Variants in RPF2 observed in about 807,000 individuals in gnomAD.
RPF2 encodes the protein brix domain containing 1.
In RPF2, 21 loss-of-function variants were observed where a neutral mutation model predicts 38.9. The ratio of observed to expected loss-of-function variants is 0.54; its 90% CI spans 0.38 to 0.78. The LOEUF is 0.78. Among genes scored for constraint, RPF2 ranks in the 30% least tolerant of loss-of-function variants. The probability of loss-of-function intolerance (pLI) is 0.00; values close to 1 mark genes in which losing one functional copy is unlikely to be tolerated. For synonymous variants in RPF2, 121 were observed against 126.2 expected (o/e 0.96, Z 0.28); for missense variants, 314 against 358.1 (o/e 0.88, Z 0.99).
At chr6:111,019,686 G>A (rs1562376452) in intron 8 of RPF2, among the ~76,000 whole-genome samples, 2 of 151,968 alleles carry the variant, frequency 1.3e-5, no homozygotes, top group Admixed American at 6.6e-5. Context: ...GCAGTGAGCC[G>A]AGCACTCCAG....
chr6:111,002,581 C>A (rs921230333), intron 6 of RPF2, among the ~76,000 whole-genome samples: 1 of 152,108 alleles, frequency 6.6e-6, no homozygotes, highest in Non-Finnish European at 1.5e-5. Flanking sequence ...GATCCTCCCG[C>A]CTTGGCCTCC....
intron 6 of RPF2, among the ~76,000 whole-genome samples, chr6:111,005,100 C>T (rs971968996): frequency 3.9e-5 from 6 of 152,076 alleles, no homozygotes; most frequent in African/African-American, 9.7e-5. Flanking sequence ...AGATCTGGAA[C>T]GTCCTTTCAG....
At chr6:110,991,416 A>AG (rs1167072256) in intron 3 of RPF2, among the ~76,000 whole-genome samples, 3 of 147,010 alleles carry the variant, frequency 2.0e-5, no homozygotes, top group African/African-American at 5.0e-5. Flanking sequence ...TTTTTTTTTA[A>AG]CACACTTTCT....
chr6:111,000,039 G>A (rs1416659015), intron 6 of RPF2, among the ~76,000 whole-genome samples: 2 of 140,056 alleles, frequency 1.4e-5, no homozygotes, highest in Non-Finnish European at 3.0e-5. Flanking sequence ...TTCTTGTCTA[G>A]GCCATAGTTT....
intron 4 of RPF2, among the ~76,000 whole-genome samples, chr6:110,993,915 A>G (rs2114303433): frequency 6.6e-6 from 1 of 152,306 alleles, no homozygotes. Context: ...TGGCAAAAAT[A>G]TACTGCTTGC....
intron 3 of RPF2, 137 bp downstream of exon 3, chr6:110,989,202 C>CT (rs3841734): frequency 0.19 from 170,629 of 913,822 alleles, 21,584 homozygotes; most frequent in East Asian, 0.66. Context: ...ATTTTAATTT[C>CT]TTTCTTTTGG....
At chr6:111,005,839 G>A (rs552946395) in intron 6 of RPF2, among the ~76,000 whole-genome samples, 10 of 151,758 alleles carry the variant, frequency 6.6e-5, no homozygotes, top group South Asian at 6.3e-4. Context: ...TTCTTGAGAC[G>A]GAGTCTCTGT....
intron 3 of RPF2, among the ~76,000 whole-genome samples, chr6:110,989,606 C>T (rs1462587224): frequency 6.6e-6 from 1 of 150,722 alleles, no homozygotes; most frequent in African/African-American, 2.4e-5. Flanking sequence ...CGTGCCACCA[C>T]GCCTGGCTAA....
At chr6:110,996,127 T>C (rs536152693) in intron 4 of RPF2, among the ~76,000 whole-genome samples, 13,558 of 150,346 alleles carry the variant, frequency 0.09, 668 homozygotes, top group African/African-American at 0.12. Flanking sequence ...CAGATAAGTT[T>C]TTTTTTTTTT....
chr6:110,984,962 G>A (rs1037452798), intron 1 of RPF2, 44 bp from the exon 2 acceptor site: 1 of 1,560,170 alleles, frequency 6.4e-7, no homozygotes, highest in Admixed American at 1.9e-5. Flanking sequence ...TTTGCAATGT[G>A]AGGAAAATGT....
chr6:111,017,271 C>T (rs1772135320), intron 8 of RPF2, among the ~76,000 whole-genome samples: 2 of 151,140 alleles, frequency 1.3e-5, no homozygotes, highest in South Asian at 4.2e-4. Flanking sequence ...GGCAGAGGTG[C>T]CCCCAACCTC....
intron 8 of RPF2, among the ~76,000 whole-genome samples, chr6:111,023,179 G>A (rs947114019): frequency 2.4e-4 from 37 of 151,922 alleles, no homozygotes; most frequent in South Asian, 6.2e-4. Flanking sequence ...GACTACAGGC[G>A]TGAGCCACCA....
chr6:111,020,015 T>C (rs1198373171), intron 8 of RPF2, among the ~76,000 whole-genome samples: 2 of 149,888 alleles, frequency 1.3e-5, no homozygotes, highest in East Asian at 4.0e-4. Flanking sequence ...CCCGGGTTCA[T>C]GCCATTCTCC....
chr6:111,014,347 T>C (rs1583272702), intron 7 of RPF2, among the ~76,000 whole-genome samples: 2 of 152,122 alleles, frequency 1.3e-5, no homozygotes, highest in Admixed American at 6.6e-5. Context: ...TTAGCCCCTA[T>C]GGTCTTGATC....
Position 110,991,799 on chromosome 6 carries a change from A to C in RPF2, c.234+13A>C. The C allele has an allele frequency of 9.3e-7, 1 of 1,080,956 alleles. No homozygotes were observed. 67.0% of individuals were successfully genotyped at this position (1,080,956 alleles called of 1,614,324 possible). A position where few individuals can be genotyped will look rare whatever the true frequency, so the allele number is the denominator to read the frequency against. ...TCAGACATCACTGGTAAGTATAATA[A>C]TCTTTATGATTTAAGAAAGCATATA... On this transcript the variant is annotated intron_variant, in intron 4 of 9. Coordinates refer to ENST00000441448, the MANE Select transcript of RPF2 (RefSeq NM_032194.3).
At chr6:110,994,718 A>C (rs1771677629) in intron 4 of RPF2, among the ~76,000 whole-genome samples, 1 of 101,732 alleles carries the variant, frequency 9.8e-6, no homozygotes, top group South Asian at 3.8e-4. Flanking sequence ...TTTGTGGAGA[A>C]TGGGATGAGT....
At chr6:111,025,252 T>C in intron 9 of RPF2, 151 bp from the exon 10 acceptor site, 1 of 502,966 alleles carries the variant, frequency 2.0e-6, no homozygotes, top group African/African-American at 1.9e-5. Context: ...ACACTTAAGT[T>C]TGAGAAGAAA....
intron 3 of RPF2, among the ~76,000 whole-genome samples, chr6:110,989,721 G>C (rs912191312): frequency 6.6e-6 from 1 of 151,454 alleles, no homozygotes; most frequent in African/African-American, 2.4e-5. Flanking sequence ...TGACTCCCTG[G>C]TTCAAGTGAT....
chr6:111,023,241 T>C (rs1772264905), intron 8 of RPF2, among the ~76,000 whole-genome samples: 1 of 152,180 alleles, frequency 6.6e-6, no homozygotes, highest in African/African-American at 2.4e-5. Context: ...CCAGTTCTCC[T>C]CCACCAGTGT....
Sources: allele counts gnomAD v4.1 joint callset (sites outside exome capture counted in the v4.1 genomes callset), GRCh38; gene constraint gnomAD v4.1.1; transcripts MANE v1.5; gene names NCBI Gene and HGNC (gene_info 2026-07-23, HGNC 2026-07-21).